KCNQ1: variants seen among roughly 807,000 people sequenced by gnomAD.
KCNQ1 encodes the protein potassium voltage-gated channel subfamily Q member 1.
KCNQ1 carries 49 observed loss-of-function variants against 72.4 expected under a neutral mutation model. The ratio of observed to expected loss-of-function variants is 0.68; its 90% confidence interval spans 0.54 to 0.86. The LOEUF is 0.86. Among genes scored for constraint, KCNQ1 ranks in the 40% least tolerant of loss-of-function variants. The pLI, the probability that KCNQ1 is intolerant of heterozygous loss-of-function variation, is 0.00. For synonymous variants in KCNQ1, 450 were observed against 412.6 expected (o/e 1.09, Z -1.10); for missense variants, 790 against 945.1 (o/e 0.84, Z 2.15).
At chr11:2,555,619 G>A (rs1484760106) in intron 2 of KCNQ1, among the ~76,000 whole-genome samples, 1 of 152,258 alleles carries the variant, frequency 6.6e-6, no homozygotes, top group Non-Finnish European at 1.5e-5. Flanking sequence ...CTGGGAGGCA[G>A]CTCCCAAACT....
At chr11:2,694,261 A>G (rs772811222) in intron 11 of KCNQ1, 39 of 398,546 alleles carry the variant, frequency 9.8e-5, no homozygotes, top group Non-Finnish European at 1.6e-4. Flanking sequence ...TGCTGCCTTT[A>G]AAGAGCCACA....
chr11:2,683,123 T>A lies in KCNQ1; in HGVS notation c.1514+21042T>A. On this transcript the variant is annotated intron_variant, in intron 11 of 15. Coordinates refer to ENST00000155840, the MANE Select transcript of KCNQ1 (RefSeq NM_000218.3). This position sits in a 1 kb window ranked among gnomAD's most constrained non-coding sequence, Gnocchi z 4.7. ...TGTTCCCAGGATATATCGCACCAAC[T>A]CAGGAGGGTGTGGGGATGGGCTAGC... 1 of 338,226 alleles carries A rather than the reference T, an allele frequency of 3.0e-6. No homozygotes were observed. The highest frequency in any genetic ancestry group is 2.3e-4 in the South Asian group (1 of 4,364). The allele number at this position is 338,226 out of a possible 1,614,324, so 21.0% of individuals were successfully genotyped here. A position where few individuals can be genotyped will look rare whatever the true frequency, so the allele number is the denominator to read the frequency against.
chr11:2,447,119 C>T lies in KCNQ1; in HGVS notation c.386+1635C>T, dbSNP rs1388936950. 3.3e-5 allele frequency among the ~76,000 whole-genome samples: 5 copies of T among 152,192 alleles called. No homozygotes were observed. Among genetic ancestry groups the T allele is most frequent in the African/African-American group, 4.8e-5 (2 of 41,434 alleles). ...CATGCCTCCGGGCTCACTGCAGCCA[C>T]CCGTGTGGAGGAAGAGGAGGAAGAG... On this transcript the variant is annotated intron_variant, in intron 1 of 15. Coordinates refer to ENST00000155840, the MANE Select transcript of KCNQ1 (RefSeq NM_000218.3). This position sits in a 1 kb window ranked among gnomAD's most constrained non-coding sequence, Gnocchi z 7.6.
chr11:2,628,030 G>A (rs1360301254), intron 10 of KCNQ1: 1 of 398,574 alleles, frequency 2.5e-6, no homozygotes, highest in African/African-American at 2.1e-5. Flanking sequence ...GGGATTACAG[G>A]TACAAGCCAC....
rs997085700 is a variant in KCNQ1, at chr11:2,652,668, C to T, written c.1394-9293C>T. On this transcript the variant is annotated intron_variant, in intron 10 of 15. Transcript: ENST00000155840. This position sits in a 1 kb window ranked among gnomAD's most constrained non-coding sequence, Gnocchi z 5.9. ...CTGCAGCATGGAGACCCGGGTGGGT[C>T]GATTTTAGTTGTGTGGGTGGCTGTG... is the stretch of plus-strand genomic sequence containing the variant. 81 of 398,542 alleles carry T rather than the reference C, an allele frequency of 2.0e-4. No individual in the cohort carries two copies. Among genetic ancestry groups the T allele is most frequent in the Non-Finnish European group, 3.3e-4 (74 of 226,186 alleles). 24.7% of individuals were successfully genotyped at this position (398,542 alleles called of 1,614,324 possible).
rs1409006617 is a variant in KCNQ1 at position 2,826,156 on chromosome 11, G to A, written c.1795-21611G>A. On this transcript the variant is annotated intron_variant, in intron 15 of 15. Transcript: ENST00000155840. The surrounding 1 kb of genome is among the most constrained non-coding windows in gnomAD (Gnocchi z 4.2). The stretch of plus-strand genomic sequence containing the variant: ...GAGTAATTATTGGGGGGCGGGGGCT[G>A]TCCAGCCCGCAGCAGAACCTCTCCG... Among the ~76,000 whole-genome samples, 7 of 152,242 alleles carry A rather than the reference G, an allele frequency of 4.6e-5. No individual in the cohort carries two copies. Among genetic ancestry groups the A allele is most frequent in the African/African-American group, 1.4e-4 (6 of 41,460 alleles).
Position 2,601,118 on chromosome 11 carries a change from T to C in KCNQ1, c.1393+12264T>C, listed in dbSNP as rs1022951012. Among the ~76,000 whole-genome samples the C allele has an allele frequency of 1.3e-5, 2 of 150,872 alleles. No homozygotes were observed. The highest frequency in any genetic ancestry group is 4.9e-5 in the African/African-American group (2 of 40,898). On this transcript the variant is annotated intron_variant, in intron 10 of 15. Transcript: ENST00000155840. This position sits in a 1 kb window ranked among gnomAD's most constrained non-coding sequence, Gnocchi z 5.2. ...AAAAAAAAGTCTCTCCAGATTTAAA[T>C]GCTTTTGGAAACCAGGCTTTACTGT...
chr11:2,679,746 T>A lies in KCNQ1; in HGVS notation c.1514+17665T>A, dbSNP rs541719547. ...GTCCAGATGCTGTGGACAGTGATGA[T>A]GGGAAAATAGTCCCTGCTGCACACT... On this transcript the variant is annotated intron_variant, in intron 11 of 15. Coordinates refer to ENST00000155840, the MANE Select transcript of KCNQ1 (RefSeq NM_000218.3). This position sits in a 1 kb window ranked among gnomAD's most constrained non-coding sequence, Gnocchi z 4.8. The A allele has an allele frequency of 2.5e-6, 1 of 398,458 alleles. No individual in the cohort carries two copies. 24.7% of individuals were successfully genotyped at this position (398,458 alleles called of 1,614,324 possible). A position where few individuals can be genotyped will look rare whatever the true frequency, so the allele number is the denominator to read the frequency against.
At chr11:2,634,189 C>CT in intron 10 of KCNQ1, 1 of 378,480 alleles carries the variant, frequency 2.6e-6, no homozygotes, top group Non-Finnish European at 4.5e-6. Context: ...TTTTATTATA[C>CT]TTTAAGTTCT....
rs1846665871 is a variant in KCNQ1, at chr11:2,482,425, A to C, written c.386+36941A>C. 6.6e-6 allele frequency among the ~76,000 whole-genome samples: 1 copy of C among 152,084 alleles called. No individual in the cohort carries two copies. The highest frequency in any genetic ancestry group is 2.1e-4 in the South Asian group (1 of 4,824). ...TCTATTGACGGCTGGGTTATTTCCTAATTGACTGCTGTAAATAGCATTGTG... is the reference window on the plus strand; with the variant it reads ...TCTATTGACGGCTGGGTTATTTCCTCATTGACTGCTGTAAATAGCATTGTG... On this transcript the variant is annotated intron_variant, in intron 1 of 15. Coordinates refer to ENST00000155840, the MANE Select transcript of KCNQ1 (RefSeq NM_000218.3). This position sits in a 1 kb window ranked among gnomAD's most constrained non-coding sequence, Gnocchi z 5.7.
chr11:2,801,491 C>G (rs1292251899), intron 15 of KCNQ1, among the ~76,000 whole-genome samples: 1 of 152,232 alleles, frequency 6.6e-6, no homozygotes, highest in Non-Finnish European at 1.5e-5. Flanking sequence ...GGCCCTCTTC[C>G]TGGCTCATAG....
intron 12 of KCNQ1, among the ~76,000 whole-genome samples, chr11:2,775,615 G>C (rs142028820): frequency 0.012 from 1,804 of 152,312 alleles, 38 homozygotes; most frequent in African/African-American, 0.041. Flanking sequence ...TGACCCCTTG[G>C]GGGGGCCAGC....
chr11:2,747,538 C>A (rs757613723), intron 11 of KCNQ1, among the ~76,000 whole-genome samples: 5 of 152,212 alleles, frequency 3.3e-5, no homozygotes, highest in Non-Finnish European at 7.3e-5. Context: ...CACTAGGCAT[C>A]CACCGTGTGC....
chr11:2,829,789 G>T (rs1317223893), intron 15 of KCNQ1, among the ~76,000 whole-genome samples: 1 of 152,052 alleles, frequency 6.6e-6, no homozygotes, highest in African/African-American at 2.4e-5. Context: ...GCTGCCTCTG[G>T]GAACAGAAAT....
At chr11:2,517,031 C>G (rs1358434427) in intron 1 of KCNQ1, among the ~76,000 whole-genome samples, 1 of 152,198 alleles carries the variant, frequency 6.6e-6, no homozygotes, top group Non-Finnish European at 1.5e-5. Context: ...GTGTTCACCC[C>G]CCAGGCTGCT....
intron 15 of KCNQ1, among the ~76,000 whole-genome samples, chr11:2,841,753 C>T (rs2134086623): frequency 6.6e-6 from 1 of 152,338 alleles, no homozygotes; most frequent in East Asian, 1.9e-4. Context: ...TATTCCCCCA[C>T]AGTCGTCAGC....
At position 2,647,574 on chromosome 11, in the gene KCNQ1, C is replaced by A. The variant is rs1343514939; in HGVS notation, c.1394-14387C>A. 2 of 398,468 alleles carry A rather than the reference C, an allele frequency of 5.0e-6. No individual in the cohort carries two copies. The highest frequency in any genetic ancestry group is 8.8e-6 in the Non-Finnish European group (2 of 226,026). The allele number at this position is 398,468 out of a possible 1,614,324, so 24.7% of individuals were successfully genotyped here. A position where few individuals can be genotyped will look rare whatever the true frequency, so the allele number is the denominator to read the frequency against. ...CTTTTGGAATTGTCTGAGAAGAATT[C>A]ATGTTAGTTCTTTAAAGGTTTGGTA... On this transcript the variant is annotated intron_variant, in intron 10 of 15. Transcript: ENST00000155840. The surrounding 1 kb of genome is among the most constrained non-coding windows in gnomAD (Gnocchi z 4.0).
At position 2,486,687 on chromosome 11, in the gene KCNQ1, G is replaced by A. The variant is rs1173474508; in HGVS notation, c.386+41203G>A. On this transcript the variant is annotated intron_variant, in intron 1 of 15. Transcript: ENST00000155840. The surrounding 1 kb of genome is among the most constrained non-coding windows in gnomAD (Gnocchi z 5.0). ...CACCTGCTTCTGGCGAGAGCCTCAGGAAGCTTCCAATCACGGCAGAAGGTG... is the reference window on the plus strand; with the variant it reads ...CACCTGCTTCTGGCGAGAGCCTCAGAAAGCTTCCAATCACGGCAGAAGGTG... Among the ~76,000 whole-genome samples the A allele has an allele frequency of 6.6e-6, 1 of 152,194 alleles. No individual in the cohort carries two copies. Among genetic ancestry groups the A allele is most frequent in the East Asian group, 1.9e-4 (1 of 5,204 alleles).
At chr11:2,701,327 C>T (rs1030973771) in intron 11 of KCNQ1, among the ~76,000 whole-genome samples, 9 of 152,240 alleles carry the variant, frequency 5.9e-5, no homozygotes, top group Non-Finnish European at 1.3e-4. Flanking sequence ...TGAGTCCACT[C>T]CCTGCCTCCT....
Sources: allele counts gnomAD v4.1 joint callset (sites outside exome capture counted in the v4.1 genomes callset), GRCh38; gene constraint gnomAD v4.1.1; non-coding constraint Gnocchi (gnomAD v3.1); transcripts MANE v1.5; gene names NCBI Gene and HGNC (gene_info 2026-07-23, HGNC 2026-07-21).